The following CRIM1 variants were observed in gnomAD, a reference collection of about 807,000 sequenced individuals.
CRIM1 encodes cysteine rich transmembrane BMP regulator 1, also known as cysteine-rich motor neuron 1 protein.
Under a neutral mutation model 116.4 loss-of-function variants are expected in CRIM1, and 32 were observed. The ratio of observed to expected loss-of-function variants is 0.27; its 90% CI spans 0.21 to 0.37. CRIM1 has a LOEUF of 0.37. Among genes scored for constraint, CRIM1 ranks in the 10% least tolerant of loss-of-function variants. The pLI is 1.00. For missense variants in CRIM1, 1,331 were observed against 1,354.8 expected (o/e 0.98, Z 0.28); for synonymous variants, 590 against 509.2 (o/e 1.16, Z -2.13).
intron 14 of CRIM1, 61 bp from the exon 15 acceptor site, chr2:36,544,315 T>C: frequency 7.7e-7 from 1 of 1,305,346 alleles, no homozygotes; most frequent in Non-Finnish European, 9.8e-7. Flanking sequence ...GGATTGAGAA[T>C]ACAAAAGCCA....
At chr2:36,440,776 G>C (rs1183154739) in intron 2 of CRIM1, among the ~76,000 whole-genome samples, 1 of 152,224 alleles carries the variant, frequency 6.6e-6, no homozygotes, top group East Asian at 1.9e-4. Context: ...ATAACTCAGA[G>C]TGTGCAGGTA....
rs553435879 is a variant in CRIM1, at chr2:36,404,103, C to T, written c.505+7316C>T. ...AAGTGTATCTTATACAAAAGGACCC[C>T]GTGCAGGGAAGCTGGCACAGGAAGT... On this transcript the variant is annotated intron_variant, in intron 2 of 16. Coordinates refer to ENST00000280527, the MANE Select transcript of CRIM1 (RefSeq NM_016441.3). Among the ~76,000 whole-genome samples, 3 of 152,174 alleles carry T rather than the reference C, an allele frequency of 2.0e-5. No individual in the cohort carries two copies. The East Asian group carries it at 5.8e-4, about 29-fold the overall frequency.
chr2:36,380,021 G>T (rs1185589061), intron 1 of CRIM1, among the ~76,000 whole-genome samples: 1 of 152,106 alleles, frequency 6.6e-6, no homozygotes, highest in Non-Finnish European at 1.5e-5. Context: ...CAGAGGCAGA[G>T]CCTAACTGCA....
rs1667685316 is a variant in CRIM1 at position 36,550,375 on chromosome 2, C to G, written c.*1674C>G. The stretch of plus-strand genomic sequence containing the variant: ...GTAACTTTTCAAACAGCCCTTAGCA[C>G]TTTTATACTAATTAACCCATTTGTG... On this transcript the variant is annotated 3_prime_UTR_variant, in exon 17 of 17. Coordinates refer to ENST00000280527, the MANE Select transcript of CRIM1 (RefSeq NM_016441.3). 6.6e-6 allele frequency: 1 copy of G among 152,236 alleles called. No individual in the cohort carries two copies. Among genetic ancestry groups the G allele is most frequent in the Non-Finnish European group, 1.5e-5 (1 of 68,002 alleles). 9.4% of individuals were successfully genotyped at this position (152,236 alleles called of 1,614,324 possible).
intron 2 of CRIM1, among the ~76,000 whole-genome samples, chr2:36,415,240 G>A (rs1004768824): frequency 3.3e-5 from 5 of 152,162 alleles, no homozygotes; most frequent in Non-Finnish European, 7.4e-5. Context: ...CAAAAACTAA[G>A]GGGAGTCAAA....
chr2:36,480,301 A>G (rs1465057216), intron 7 of CRIM1, among the ~76,000 whole-genome samples: 3 of 152,148 alleles, frequency 2.0e-5, no homozygotes, highest in East Asian at 1.9e-4. Flanking sequence ...CCCGACTCCT[A>G]TTCCAGCTCA....
intron 1 of CRIM1, among the ~76,000 whole-genome samples, chr2:36,385,104 A>C (rs1422346340): frequency 6.6e-6 from 1 of 152,000 alleles, no homozygotes; most frequent in Non-Finnish European, 1.5e-5. Context: ...AAAAAATCAA[A>C]GGTTTGGGTT....
chr2:36,548,468 T>G (rs1667513408), intron 16 of CRIM1, 57 bp from the exon 17 acceptor site: 233 of 1,333,276 alleles, frequency 1.7e-4, no homozygotes, highest in Middle Eastern at 3.8e-4. Context: ...TCTGTTCATT[T>G]GAGATAATGT....
intron 5 of CRIM1, among the ~76,000 whole-genome samples, chr2:36,473,627 C>T (rs542136535): frequency 3.9e-5 from 6 of 152,086 alleles, no homozygotes; most frequent in Non-Finnish European, 7.4e-5. Context: ...ATATTAATAC[C>T]TTGTCTTTTG....
intron 7 of CRIM1, among the ~76,000 whole-genome samples, chr2:36,491,000 A>G (rs958401668): frequency 1.3e-5 from 2 of 152,210 alleles, no homozygotes; most frequent in African/African-American, 2.4e-5. Flanking sequence ...CAATTTGCCA[A>G]GCAGTCAGCA....
intron 2 of CRIM1, among the ~76,000 whole-genome samples, chr2:36,436,289 A>G (rs1390345483): frequency 6.6e-6 from 1 of 152,186 alleles, no homozygotes; most frequent in Non-Finnish European, 1.5e-5. Flanking sequence ...GGGCAGAGGA[A>G]GATGCAGGGT....
chr2:36,361,148 A>C (rs3770962), intron 1 of CRIM1, among the ~76,000 whole-genome samples: 17,731 of 152,222 alleles, frequency 0.12, 1,070 homozygotes, highest in East Asian at 0.15. Context: ...CTTCCCTGTT[A>C]TTGAGGAGTC....
chr2:36,445,401 CTAAT>C (rs1676161119), intron 4 of CRIM1, among the ~76,000 whole-genome samples: 1 of 152,184 alleles, frequency 6.6e-6, no homozygotes. Flanking sequence ...CAGCAGGACT[CTAAT>C]TAATTTCTCC....
chr2:36,531,404 GT>G lies in CRIM1; in HGVS notation c.2429-5935del, dbSNP rs572813764. On this transcript the variant is annotated intron_variant, in intron 13 of 16. Coordinates refer to ENST00000280527, the MANE Select transcript of CRIM1 (RefSeq NM_016441.3). ...ATGCGTTTTTGGTTTTTGGTTTTTTGTTTTTTTTTTTTTCCAGAGGCTCATG... is the reference window on the plus strand; with the variant it reads ...ATGCGTTTTTGGTTTTTGGTTTTTTGTTTTTTTTTTTTCCAGAGGCTCATG... 9.3e-4 allele frequency among the ~76,000 whole-genome samples: 133 copies of G among 142,794 alleles called. 1 individual carries two copies. The highest frequency in any genetic ancestry group is 1.7e-3 in the African/African-American group (66 of 39,376). The allele number at this position is 142,794 out of a possible 152,430, so 93.7% of individuals were successfully genotyped here. A position where few individuals can be genotyped will look rare whatever the true frequency, so the allele number is the denominator to read the frequency against.
Position 36,356,446 on chromosome 2 carries a change from C to G in CRIM1, c.154C>G (p.Pro52Ala). ...CAAGTGCGAGGAGCCCAGGAACTGCCCGGGGAGCATCGTGCAGGGCGTCTG... is the reference window on the plus strand; with the variant it reads ...CAAGTGCGAGGAGCCCAGGAACTGCGCGGGGAGCATCGTGCAGGGCGTCTG... ...ESKCEEPRNC[P>A]GSIVQGVCGC... Residue 52 changes from proline to alanine, a missense_variant, in exon 1 of 17, where the codon CCG becomes GCG. Transcript: ENST00000280527. This position sits in a 1 kb window ranked among gnomAD's most constrained non-coding sequence, Gnocchi z 4.3. 1 of 1,612,202 alleles carries G rather than the reference C, an allele frequency of 6.2e-7. No individual in the cohort carries two copies. The highest frequency in any genetic ancestry group is 8.5e-7 in the Non-Finnish European group (1 of 1,179,766).
At chr2:36,522,460 C>A in intron 13 of CRIM1, 147 bp downstream of exon 13, 1 of 648,886 alleles carries the variant, frequency 1.5e-6, no homozygotes, top group Non-Finnish European at 2.7e-6. Context: ...CAACACTGAG[C>A]AGAAGAAAGA....
chr2:36,400,142 A>ATT (rs1041954086), intron 2 of CRIM1, among the ~76,000 whole-genome samples: 1 of 152,034 alleles, frequency 6.6e-6, no homozygotes, highest in African/African-American at 2.4e-5. Context: ...GTGATTGACC[A>ATT]TTTAATCTAC....
chr2:36,356,843 G>C lies in CRIM1; in HGVS notation c.331+220G>C, dbSNP rs1370538283. On this transcript the variant is annotated intron_variant, in intron 1 of 16. Coordinates refer to ENST00000280527, the MANE Select transcript of CRIM1 (RefSeq NM_016441.3). The surrounding 1 kb of genome is among the most constrained non-coding windows in gnomAD (Gnocchi z 4.3). ...TCGCGGGCGAGGTTGGGTATGGTGG[G>C]TGGGGGCGAGCGAGTGGAGGATCGC... Among the ~76,000 whole-genome samples, 1 of 152,202 alleles carries C rather than the reference G, an allele frequency of 6.6e-6. No homozygotes were observed. The highest frequency in any genetic ancestry group is 2.4e-5 in the African/African-American group (1 of 41,456).
intron 5 of CRIM1, among the ~76,000 whole-genome samples, chr2:36,471,015 T>C (rs1174035697): frequency 6.6e-6 from 1 of 152,132 alleles, no homozygotes; most frequent in Non-Finnish European, 1.5e-5. Context: ...GTGGAAGAAG[T>C]AACTGCAGAT....
Sources: gnomAD v4.1 joint callset for allele counts (sites outside exome capture counted in the v4.1 genomes callset) on GRCh38, gnomAD v4.1.1 for gene constraint, Gnocchi (gnomAD v3.1) non-coding constraint, MANE v1.5 for transcripts, NCBI Gene and HGNC (gene_info 2026-07-23, HGNC 2026-07-21) for gene names.